The following FCAR variants were observed in gnomAD, a reference collection of about 807,000 sequenced individuals.
FCAR encodes immunoglobulin alpha Fc receptor.
A neutral mutation model predicts 27.1 loss-of-function variants in FCAR; 21 were observed. That is an observed-to-expected ratio of 0.77 (90% CI 0.55 to 1.11). The LOEUF (loss-of-function observed/expected upper bound fraction) is 1.11, where lower values mean the gene tolerates loss of function less well. Ranked by LOEUF, FCAR falls within the 50% of genes most tolerant of loss-of-function variation. The probability of loss-of-function intolerance (pLI) is 0.00; values close to 1 mark genes in which losing one functional copy is unlikely to be tolerated. For missense variants in FCAR, 404 were observed against 358.4 expected (o/e 1.13, Z -1.03); for synonymous variants, 134 against 135.8 (o/e 0.99, Z 0.09).
chr19:54,882,420 ATTCTTTTTTTTTT>A (rs145439007), intron 2 of FCAR, among the ~76,000 whole-genome samples: 47,286 of 149,252 alleles, frequency 0.32, 8,437 homozygotes, highest in South Asian at 0.5. Flanking sequence ...TCTTGTGTTG[ATTCTTTTTTTTTT>A]TTCTTTTTTT....
Position 54,885,247 on chromosome 19 carries a change from T to G in FCAR, c.83T>G (p.Met28Arg), listed in dbSNP as rs1294421849. 1 of 1,612,942 alleles carries G rather than the reference T, an allele frequency of 6.2e-7. No homozygotes were observed. The highest frequency in any genetic ancestry group is 1.7e-5 in the Admixed American group (1 of 59,956). The change falls in exon 3 of 5, where the codon ATG becomes AGG. Residue 28 changes from methionine (M) to arginine (R), a missense_variant. Physicochemically the swap from Met to Arg is moderately conservative, Grantham distance 91 (BLOSUM62 -1). Coordinates refer to ENST00000355524, the MANE Select transcript of FCAR (RefSeq NM_002000.4). ...TCTTTTCTTCCAGGGGACTTTCCCA[T>G]GCCTTTCATATCTGCCAAATCGAGT... The part of the protein sequence containing the change: ...RIQAQEGDFP[M>R]PFISAKSSPV...
At chr19:54,875,309 T>C (rs1284846862) in intron 1 of FCAR, 21 bp from the exon 2 acceptor site, 1 of 1,612,282 alleles carries the variant, frequency 6.2e-7, no homozygotes, top group African/African-American at 1.3e-5. Context: ...GCTTGATTTT[T>C]CATAAATCTC....
At chr19:54,882,158 G>A (rs2066458062) in intron 2 of FCAR, among the ~76,000 whole-genome samples, 1 of 152,152 alleles carries the variant, frequency 6.6e-6, no homozygotes. Context: ...GAGCTCACGG[G>A]GAAGAGAGAC....
chr19:54,888,073 C>T lies in FCAR; in HGVS notation c.428C>T (p.Ser143Phe). The change falls in exon 4 of 5, where the codon TCC becomes TTC. Residue 143 changes from serine (S) to phenylalanine (F), a missense_variant. Physicochemically the swap from Ser to Phe is radical, Grantham distance 155 (BLOSUM62 -2). Transcript: ENST00000355524. ...GLVLMPGENISLTCSSAHIPF... is the reference protein window; with the variant it reads ...GLVLMPGENIFLTCSSAHIPF... ...GTGTTGATGCCAGGAGAGAATATTTCCCTCACGTGCAGCTCAGCACACATC... is the reference window on the plus strand; with the variant it reads ...GTGTTGATGCCAGGAGAGAATATTTTCCTCACGTGCAGCTCAGCACACATC... 1 of 1,614,046 alleles carries T rather than the reference C, an allele frequency of 6.2e-7. No homozygotes were observed. Among genetic ancestry groups the T allele is most frequent in the Non-Finnish European group, 8.5e-7 (1 of 1,179,896 alleles).
intron 2 of FCAR, among the ~76,000 whole-genome samples, chr19:54,881,905 AAATAAATAAATAAATAAATAAATAAATTG>A (rs2066442689): frequency 2.6e-5 from 1 of 38,122 alleles, no homozygotes; most frequent in African/African-American, 1.0e-4. Context: ...ATAAATAAAT[AAATAAATAAATAAATAAATAAATAAATTG>A]AAGCATGAAT....
intron 2 of FCAR, among the ~76,000 whole-genome samples, chr19:54,880,572 C>T (rs868410102): frequency 1.3e-5 from 2 of 152,258 alleles, no homozygotes; most frequent in Middle Eastern, 3.4e-3. Context: ...GGTAAAGAGC[C>T]CTTGCTGGGA....
Position 54,885,218 on chromosome 19 carries a change from G to T in FCAR, c.71-17G>T. 6.2e-7 allele frequency: 1 copy of T among 1,606,972 alleles called. No homozygotes were observed. Among genetic ancestry groups the T allele is most frequent in the Non-Finnish European group, 8.5e-7 (1 of 1,175,414 alleles). ...CCCATGGCAAGCCACCTCAGTCTGG[G>T]CTTTCTTTTCTTCCAGGGGACTTTC... On this transcript the variant is annotated splice_polypyrimidine_tract_variant and intron_variant, in intron 2 of 4. Coordinates refer to ENST00000355524, the MANE Select transcript of FCAR (RefSeq NM_002000.4).
intron 2 of FCAR, among the ~76,000 whole-genome samples, chr19:54,882,205 C>G (rs587687109): frequency 1.7e-3 from 253 of 152,338 alleles, no homozygotes; most frequent in Middle Eastern, 3.4e-3. Context: ...GGCATAATGA[C>G]CGGGCCCCCA....
At chr19:54,885,196 A>C in intron 2 of FCAR, 39 bp from the exon 3 acceptor site, 1 of 1,562,966 alleles carries the variant, frequency 6.4e-7, no homozygotes, top group Non-Finnish European at 8.7e-7. Flanking sequence ...TGGCTTCCCC[A>C]TGGCAAGCCA....
rs587749443 is a variant in FCAR at position 54,889,705 on chromosome 19, C to T, written c.706C>T (p.Leu236=). The T allele has an allele frequency of 1.2e-6, 2 of 1,614,154 alleles. No homozygotes were observed. Among genetic ancestry groups the T allele is most frequent in the Non-Finnish European group, 1.7e-6 (2 of 1,180,020 alleles). The change falls in exon 5 of 5, where the codon CTG becomes TTG. Residue 236 remains leucine (L), a synonymous_variant. Coordinates refer to ENST00000355524, the MANE Select transcript of FCAR (RefSeq NM_002000.4). ...CTTGATCCGCATGGCCGTGGCAGGA[C>T]TGGTCCTCGTGGCTCTCTTGGCCAT... is the stretch of plus-strand genomic sequence containing the variant. ...QNLIRMAVAG[L]VLVALLAILV...
chr19:54,889,581 G>T, intron 4 of FCAR, 68 bp from the exon 5 acceptor site: 1 of 1,360,606 alleles, frequency 7.3e-7, no homozygotes. Flanking sequence ...TCCCGTTTCA[G>T]GGCTCTGGGG....
rs73932252 is a variant in FCAR, at chr19:54,881,372, A to C, written c.71-3863A>C. Among the ~76,000 whole-genome samples, 999 of 152,260 alleles carry C rather than the reference A, an allele frequency of 6.6e-3. 9 individuals carry two copies. Among genetic ancestry groups the C allele is most frequent in the African/African-American group, 0.023 (955 of 41,542 alleles). ...AGGGCAGCAAGGCCAGTACCACCGC[A>C]GTGGCAGCGGCAGAGTGACCTTCCG... On this transcript the variant is annotated intron_variant, in intron 2 of 4. Coordinates refer to ENST00000355524, the MANE Select transcript of FCAR (RefSeq NM_002000.4).
At chr19:54,880,222 C>T (rs2066335652) in intron 2 of FCAR, among the ~76,000 whole-genome samples, 2 of 151,716 alleles carry the variant, frequency 1.3e-5, no homozygotes, top group Non-Finnish European at 2.9e-5. Context: ...TTTCATGATC[C>T]CATATTTCTT....
At chr19:54,885,141 C>T in intron 2 of FCAR, 94 bp from the exon 3 acceptor site, 1 of 1,105,714 alleles carries the variant, frequency 9.0e-7, no homozygotes, top group Non-Finnish European at 1.3e-6. Flanking sequence ...GTAGGTTCTT[C>T]ACACCCTAAT....
intron 1 of FCAR, 51 bp from the exon 2 acceptor site, chr19:54,875,279 C>T (rs2066029596): frequency 1.3e-6 from 2 of 1,545,174 alleles, no homozygotes; most frequent in Non-Finnish European, 1.8e-6. Context: ...GGTGATTTGT[C>T]GTAAAGGTTG....
In FCAR at chr19:54,888,305, C is replaced by A. The variant is rs768519027; in HGVS notation, c.649+11C>A. The A allele has an allele frequency of 3.7e-5, 60 of 1,613,104 alleles. No individual in the cohort carries two copies. Among genetic ancestry groups the A allele is most frequent in the Non-Finnish European group, 5.0e-5 (59 of 1,179,546 alleles). Reference sequence around the variant, plus strand: ...AGCTTGTGGTCACAGGTAGGTACCGCCCAGTCCAGCCCTGTGTCTGGGTTG... The same window carrying A: ...AGCTTGTGGTCACAGGTAGGTACCGACCAGTCCAGCCCTGTGTCTGGGTTG... On this transcript the variant is annotated intron_variant, in intron 4 of 4. Transcript: ENST00000355524.
At chr19:54,883,320 G>C (rs2066525976) in intron 2 of FCAR, among the ~76,000 whole-genome samples, 1 of 151,928 alleles carries the variant, frequency 6.6e-6, no homozygotes, top group Non-Finnish European at 1.5e-5. Context: ...CTCTGTGGTT[G>C]TGAGGAGGGG....
At chr19:54,878,751 AT>A (rs57738807) in intron 2 of FCAR, among the ~76,000 whole-genome samples, 8,894 of 121,536 alleles carry the variant, frequency 0.073, 296 homozygotes, top group Non-Finnish European at 0.093. Context: ...CAGCTCCTGC[AT>A]TTTTTTTTTT....
chr19:54,888,077 C>G lies in FCAR; in HGVS notation c.432C>G (p.Leu144=). ...LVLMPGENIS[L]TCSSAHIPFD... The stretch of plus-strand genomic sequence containing the variant: ...TGATGCCAGGAGAGAATATTTCCCT[C>G]ACGTGCAGCTCAGCACACATCCCAT... Residue 144 remains leucine, a synonymous_variant, in exon 4 of 5, where the codon CTC becomes CTG. Transcript: ENST00000355524. 1 of 1,614,008 alleles carries G rather than the reference C, an allele frequency of 6.2e-7. No individual in the cohort carries two copies. Among genetic ancestry groups the G allele is most frequent in the Non-Finnish European group, 8.5e-7 (1 of 1,179,882 alleles).
Sources: gnomAD v4.1 joint callset for allele counts (sites outside exome capture counted in the v4.1 genomes callset) on GRCh38, gnomAD v4.1.1 for gene constraint, MANE v1.5 for transcripts, NCBI Gene and HGNC (gene_info 2026-07-23, HGNC 2026-07-21) for gene names.